The following NKAIN2 variants were observed in gnomAD, a reference collection of about 807,000 sequenced individuals.
NKAIN2 encodes the protein sodium/potassium-transporting ATPase subunit beta-1-interacting protein 2.
A neutral mutation model predicts 32.6 loss-of-function variants in NKAIN2; 14 were observed. The ratio of observed to expected loss-of-function variants is 0.43; its 90% CI spans 0.28 to 0.67. The LOEUF (loss-of-function observed/expected upper bound fraction) is 0.67, where lower values mean the gene tolerates loss of function less well. Ranked by LOEUF, NKAIN2 falls within the 30% of genes least tolerant of loss-of-function variation. The pLI is 0.17. For synonymous variants in NKAIN2, 80 were observed against 87.2 expected (o/e 0.92, Z 0.46); for missense variants, 198 against 258.3 (o/e 0.77, Z 1.60).
In NKAIN2 at chr6:124,583,177, CTTTG is replaced by C. The variant is rs1012633623; in HGVS notation, c.274-75004_274-75001del. Among the ~76,000 whole-genome samples, 3 of 148,158 alleles carry C rather than the reference CTTTG, an allele frequency of 2.0e-5. No individual in the cohort carries two copies. In the Admixed American group the frequency reaches 2.0e-4, roughly 10 times the overall value. Reference sequence around the variant, plus strand: ...ATTGGAAAGGAAGAAGTCAAGTTATCTTTGTTTGCATATGGTATGATCTTATAAT... The same window carrying C: ...ATTGGAAAGGAAGAAGTCAAGTTATCTTTGCATATGGTATGATCTTATAAT... On this transcript the variant is annotated intron_variant, in intron 3 of 6. Transcript: ENST00000368417.
chr6:124,606,837 C>T (rs932147456), intron 3 of NKAIN2, among the ~76,000 whole-genome samples: 4 of 152,058 alleles, frequency 2.6e-5, no homozygotes, highest in Non-Finnish European at 5.9e-5. Context: ...CTTGCTCCTT[C>T]CAAAGAAGGG....
In NKAIN2 at chr6:124,196,413, T is replaced by C. The variant is rs559733352; in HGVS notation, c.55-86592T>C. On this transcript the variant is annotated intron_variant, in intron 1 of 6. Coordinates refer to ENST00000368417, the MANE Select transcript of NKAIN2 (RefSeq NM_001040214.3). ...CCCATATTATATATTTGGAAAGTGA[T>C]GTTTACAGAGATTTTAAAAATTGCC... 1.1e-3 allele frequency among the ~76,000 whole-genome samples: 169 copies of C among 152,216 alleles called. 1 individual carries two copies. Among genetic ancestry groups the C allele is most frequent in the African/African-American group, 3.9e-3 (164 of 41,580 alleles).
At chr6:124,225,783 T>A (rs1488958735) in intron 1 of NKAIN2, among the ~76,000 whole-genome samples, 1 of 152,028 alleles carries the variant, frequency 6.6e-6, no homozygotes, top group Non-Finnish European at 1.5e-5. Flanking sequence ...GTTGAAGAAT[T>A]TTTTGTCCAG....
chr6:124,597,784 A>T (rs188671404), intron 3 of NKAIN2, among the ~76,000 whole-genome samples: 1 of 152,280 alleles, frequency 6.6e-6, no homozygotes, highest in East Asian at 1.9e-4. Flanking sequence ...TCAGCTTGTA[A>T]AAACCATGGA....
intron 4 of NKAIN2, among the ~76,000 whole-genome samples, chr6:124,716,633 A>C (rs117319667): frequency 0.046 from 6,927 of 152,050 alleles, 174 homozygotes; most frequent in East Asian, 0.086. Context: ...CCCTCTAACC[A>C]CTTTTTCTTG....
intron 3 of NKAIN2, among the ~76,000 whole-genome samples, chr6:124,563,073 T>C (rs1053426837): frequency 3.9e-5 from 6 of 151,920 alleles, no homozygotes; most frequent in African/African-American, 1.2e-4. Context: ...CCGGCTAATT[T>C]TTTTGTATTT....
chr6:123,972,390 T>TTTCTGAGACAAATAGCCTAA (rs1778384308), intron 1 of NKAIN2, among the ~76,000 whole-genome samples: 2 of 152,300 alleles, frequency 1.3e-5, no homozygotes, highest in Admixed American at 1.3e-4. Context: ...ACTCAAGGGA[T>TTTCTGAGACAAATAGCCTAA]TTCTGAGACA....
At chr6:124,089,003 A>C (rs1209422441) in intron 1 of NKAIN2, among the ~76,000 whole-genome samples, 6 of 152,058 alleles carry the variant, frequency 3.9e-5, no homozygotes. Context: ...ATCCTTTTAA[A>C]TAATATCCTC....
intron 3 of NKAIN2, among the ~76,000 whole-genome samples, chr6:124,569,511 C>A (rs187834994): frequency 2.6e-5 from 4 of 152,204 alleles, no homozygotes; most frequent in Admixed American, 2.0e-4. Flanking sequence ...AGGGACCCAG[C>A]GGGAGGTAAT....
intron 1 of NKAIN2, among the ~76,000 whole-genome samples, chr6:124,195,732 T>C (rs1156619122): frequency 6.6e-6 from 1 of 152,152 alleles, no homozygotes; most frequent in Admixed American, 6.5e-5. Flanking sequence ...CTGTGATGGA[T>C]CTATGAGCTA....
chr6:124,063,153 C>G (rs2114860513), intron 1 of NKAIN2, among the ~76,000 whole-genome samples: 1 of 151,982 alleles, frequency 6.6e-6, no homozygotes, highest in South Asian at 2.1e-4. Flanking sequence ...CCACTGCACT[C>G]CAGCCTGGGC....
intron 1 of NKAIN2, among the ~76,000 whole-genome samples, chr6:123,877,909 G>A (rs190116047): frequency 1.1e-4 from 17 of 152,004 alleles, no homozygotes; most frequent in East Asian, 9.7e-4. Flanking sequence ...GTTCAATTTC[G>A]TTAGTTAATT....
At chr6:124,779,598 A>T (rs1022589477) in intron 4 of NKAIN2, among the ~76,000 whole-genome samples, 9 of 152,134 alleles carry the variant, frequency 5.9e-5, no homozygotes, top group Non-Finnish European at 1.2e-4. Context: ...ATGATAGCAA[A>T]CATCATACAG....
intron 4 of NKAIN2, among the ~76,000 whole-genome samples, chr6:124,743,077 G>C (rs1348779588): frequency 6.6e-6 from 1 of 151,878 alleles, no homozygotes; most frequent in East Asian, 2.0e-4. Flanking sequence ...AATGGACACT[G>C]TGGCATCACA....
intron 4 of NKAIN2, among the ~76,000 whole-genome samples, chr6:124,668,774 A>G (rs921400714): frequency 6.6e-6 from 1 of 152,162 alleles, no homozygotes; most frequent in Non-Finnish European, 1.5e-5. Context: ...CGCAAACAGA[A>G]ATGTCTGTGT....
At chr6:123,848,175 G>A (rs1462538727) in intron 1 of NKAIN2, among the ~76,000 whole-genome samples, 1 of 152,174 alleles carries the variant, frequency 6.6e-6, no homozygotes, top group African/African-American at 2.4e-5. Flanking sequence ...GACAAAAGAT[G>A]CTTTAGAAAC....
At chr6:124,747,760 A>G (rs918684655) in intron 4 of NKAIN2, among the ~76,000 whole-genome samples, 1 of 151,746 alleles carries the variant, frequency 6.6e-6, no homozygotes, top group African/African-American at 2.4e-5. Flanking sequence ...CCTACATGCA[A>G]GCAGATGAGG....
At chr6:124,416,365 C>A (rs1774488157) in intron 3 of NKAIN2, among the ~76,000 whole-genome samples, 1 of 152,150 alleles carries the variant, frequency 6.6e-6, no homozygotes, top group African/African-American at 2.4e-5. Context: ...GGTATCAGGC[C>A]AGCTATGGTG....
At chr6:124,447,060 C>T (rs1454313970) in intron 3 of NKAIN2, among the ~76,000 whole-genome samples, 1 of 152,088 alleles carries the variant, frequency 6.6e-6, no homozygotes, top group South Asian at 2.1e-4. Flanking sequence ...CTGCCACTTT[C>T]CAAATCTTAT....
Sources: allele counts gnomAD v4.1 joint callset (sites outside exome capture counted in the v4.1 genomes callset), GRCh38; gene constraint gnomAD v4.1.1; transcripts MANE v1.5; gene names NCBI Gene and HGNC (gene_info 2026-07-23, HGNC 2026-07-21).